The following CALN1 variants were observed in gnomAD, a reference collection of about 807,000 sequenced individuals.
CALN1 encodes calcium-binding protein 8.
In CALN1, 17 loss-of-function variants were observed where a neutral mutation model predicts 30.6. That is an observed-to-expected ratio of 0.56 (90% CI 0.38 to 0.83). CALN1 has a LOEUF of 0.83. Among genes scored for constraint, CALN1 ranks in the 40% least tolerant of loss-of-function variants. The probability of loss-of-function intolerance (pLI) is 0.00; values close to 1 mark genes in which losing one functional copy is unlikely to be tolerated. For synonymous variants in CALN1, 156 were observed against 131.4 expected (o/e 1.19, Z -1.28); for missense variants, 291 against 354.9 (o/e 0.82, Z 1.45).
At chr7:72,454,952 C>A in the CALN1 span, among the ~76,000 whole-genome samples, 1 of 152,044 alleles carries the variant, frequency 6.6e-6, no homozygotes, top group East Asian at 1.9e-4. Flanking sequence ...CTGCCTTAGC[C>A]TCCTGAGTAG....
chr7:72,459,024 G>A, the CALN1 span, among the ~76,000 whole-genome samples: 1 of 150,938 alleles, frequency 6.6e-6, no homozygotes, highest in Admixed American at 6.7e-5. Flanking sequence ...TGATTCTCCT[G>A]CCTCAGCCTC....
chr7:72,266,000 G>C (rs112927988), intron 3 of CALN1, among the ~76,000 whole-genome samples: 5 of 152,152 alleles, frequency 3.3e-5, no homozygotes, highest in African/African-American at 9.6e-5. Flanking sequence ...AAATTAGCCA[G>C]GTGTAATGGC....
intron 3 of CALN1, among the ~76,000 whole-genome samples, chr7:72,228,103 T>C (rs1422249836): frequency 6.6e-6 from 1 of 152,030 alleles, no homozygotes; most frequent in Non-Finnish European, 1.5e-5. Context: ...GTAGCTCTTC[T>C]TTCTTTGTCG....
At chr7:72,263,884 A>C (rs1350247834) in intron 3 of CALN1, among the ~76,000 whole-genome samples, 1 of 152,114 alleles carries the variant, frequency 6.6e-6, no homozygotes, top group African/African-American at 2.4e-5. Context: ...AATTCCCCCC[A>C]AATTAATGTC....
At chr7:72,488,679 C>T in the CALN1 span, among the ~76,000 whole-genome samples, 2 of 152,044 alleles carry the variant, frequency 1.3e-5, no homozygotes, top group South Asian at 2.1e-4. Flanking sequence ...GCCTGCCTCA[C>T]GTACCCATTC....
intron 5 of CALN1, among the ~76,000 whole-genome samples, chr7:71,844,659 G>GT (rs1383558847): frequency 1.3e-5 from 2 of 152,158 alleles, no homozygotes; most frequent in Non-Finnish European, 2.9e-5. Flanking sequence ...AGAGGGAACT[G>GT]TAACACTTAG....
intron 5 of CALN1, among the ~76,000 whole-genome samples, chr7:71,873,284 A>G (rs1792053213): frequency 6.6e-6 from 1 of 152,110 alleles, no homozygotes; most frequent in African/African-American, 2.4e-5. Context: ...CTGGGATTAC[A>G]GGTGTGAGCC....
At chr7:72,455,534 G>A in the CALN1 span, among the ~76,000 whole-genome samples, 1,542 of 152,012 alleles carry the variant, frequency 0.01, 31 homozygotes, top group African/African-American at 0.035. Flanking sequence ...TCAGGAGCTC[G>A]CAGGAAAGAC....
chr7:72,130,738 T>G (rs1172508330), intron 3 of CALN1, among the ~76,000 whole-genome samples: 1 of 152,202 alleles, frequency 6.6e-6, no homozygotes, highest in Non-Finnish European at 1.5e-5. Context: ...GTACCATTAA[T>G]GCATTATCTA....
intron 4 of CALN1, among the ~76,000 whole-genome samples, chr7:72,096,793 G>A (rs1806265634): frequency 6.6e-6 from 1 of 152,144 alleles, no homozygotes; most frequent in South Asian, 2.1e-4. Context: ...ATTTGACCCA[G>A]CAATCCCATT....
At chr7:72,488,021 T>C in the CALN1 span, among the ~76,000 whole-genome samples, 2 of 149,914 alleles carry the variant, frequency 1.3e-5, no homozygotes, top group Non-Finnish European at 3.0e-5. Context: ...TCATGAGCAG[T>C]TTTAACCTGA....
chr7:72,398,019 G>C (rs1806094149), intron 2 of CALN1, among the ~76,000 whole-genome samples: 1 of 152,148 alleles, frequency 6.6e-6, no homozygotes, highest in Non-Finnish European at 1.5e-5. Context: ...GTCCAGAAGA[G>C]CCAAGCATTG....
chr7:71,825,645 C>G (rs1788864162), intron 5 of CALN1, among the ~76,000 whole-genome samples: 1 of 152,030 alleles, frequency 6.6e-6, no homozygotes, highest in South Asian at 2.1e-4. Flanking sequence ...AACAGAGAGA[C>G]AGACGTACCT....
At chr7:72,057,326 C>T (rs1487190282) in intron 4 of CALN1, among the ~76,000 whole-genome samples, 2 of 149,414 alleles carry the variant, frequency 1.3e-5, no homozygotes, top group African/African-American at 4.9e-5. Context: ...TGAGCATAGA[C>T]TTTCTGGATA....
chr7:72,307,644 G>A (rs932933594), intron 2 of CALN1, among the ~76,000 whole-genome samples: 4 of 152,220 alleles, frequency 2.6e-5, no homozygotes, highest in Non-Finnish European at 4.4e-5. Context: ...GCAGAGTAGG[G>A]ACTAGAAGCA....
the CALN1 span, among the ~76,000 whole-genome samples, chr7:72,462,055 AG>A: frequency 6.6e-6 from 1 of 151,414 alleles, no homozygotes; most frequent in Non-Finnish European, 1.5e-5. Flanking sequence ...TGCGCTTTGG[AG>A]TTTCTTAGGA....
chr7:71,810,536 A>T, intron 5 of CALN1, 44 bp from the exon 6 acceptor site: 1 of 1,592,988 alleles, frequency 6.3e-7, no homozygotes, highest in Non-Finnish European at 8.6e-7. Flanking sequence ...GCATGTGGAG[A>T]TGGGAAGTTG....
At position 71,792,087 on chromosome 7, in the gene CALN1, C is replaced by T. The variant is rs182686305; in HGVS notation, c.659-4185G>A. On this transcript the variant is annotated intron_variant, in intron 6 of 6. Coordinates refer to ENST00000395275, the MANE Select transcript of CALN1 (RefSeq NM_031468.4). ...GCTTCAAGAAAATGCACTTCAAATGCTGGGTGTGGTGGACAGAGCTGCGAC... is the reference window on the plus strand; with the variant it reads ...GCTTCAAGAAAATGCACTTCAAATGTTGGGTGTGGTGGACAGAGCTGCGAC... Among the ~76,000 whole-genome samples, 391 of 152,294 alleles carry T rather than the reference C, an allele frequency of 2.6e-3. 11 individuals carry two copies. Among genetic ancestry groups the T allele is most frequent in the Admixed American group, 0.021 (317 of 15,300 alleles).
intron 5 of CALN1, among the ~76,000 whole-genome samples, chr7:72,009,464 A>G (rs964566672): frequency 6.6e-6 from 1 of 152,228 alleles, no homozygotes; most frequent in Admixed American, 6.5e-5. Context: ...TAATTATCAC[A>G]TCTTGTCCAA....
Sources: gnomAD v4.1 joint callset for allele counts (sites outside exome capture counted in the v4.1 genomes callset) on GRCh38, gnomAD v4.1.1 for gene constraint, MANE v1.5 for transcripts, NCBI Gene and HGNC (gene_info 2026-07-23, HGNC 2026-07-21) for gene names.